The following SLAMF8 variants were observed in gnomAD, a reference collection of about 807,000 sequenced individuals.
SLAMF8 encodes SLAM family member 8.
In SLAMF8, 23 loss-of-function variants were observed where a neutral mutation model predicts 29.0. The observed-to-expected ratio is 0.79, with a 90% CI of 0.57 to 1.13. The LOEUF is 1.13. Ranked by LOEUF, SLAMF8 falls within the 50% of genes most tolerant of loss-of-function variation. The probability of loss-of-function intolerance (pLI) is 0.00; values close to 1 mark genes in which losing one functional copy is unlikely to be tolerated. For synonymous variants in SLAMF8, 139 were observed against 145.6 expected, an observed-to-expected ratio of 0.96 and a Z score of 0.32; for missense variants, 381 against 353.1, an observed-to-expected ratio of 1.08 and a Z score of -0.63.
At chr1:159,831,233 T>C (rs61823169) in intron 2 of SLAMF8, among the ~76,000 whole-genome samples, 14,399 of 152,050 alleles carry the variant, frequency 0.095, 937 homozygotes, top group Middle Eastern at 0.15. Context: ...GATTTAAGAA[T>C]GGAAAGCAGA....
chr1:159,829,770 G>T, intron 1 of SLAMF8, 96 bp from the exon 2 acceptor site: 3 of 1,340,514 alleles, frequency 2.2e-6, no homozygotes, highest in Admixed American at 4.6e-5. Flanking sequence ...AATGTCAGTG[G>T]AGGGGCCCCA....
chr1:159,832,270 TATTC>T (rs1452931725), intron 2 of SLAMF8, among the ~76,000 whole-genome samples: 1 of 152,228 alleles, frequency 6.6e-6, no homozygotes, highest in African/African-American at 2.4e-5. Context: ...TTTAATTAAT[TATTC>T]ATAATCATTT....
intron 4 of SLAMF8, 71 bp from the exon 5 acceptor site, chr1:159,835,113 C>T (rs1271525197): frequency 1.4e-6 from 2 of 1,480,918 alleles, no homozygotes; most frequent in Non-Finnish European, 9.3e-7. Flanking sequence ...ATTCAGAGGC[C>T]TGCAGGCAGG....
chr1:159,835,250 A>T lies in SLAMF8; in HGVS notation c.848A>T (p.Asp283Val). The change falls in exon 5 of 5, where the codon GAT (aspartate) becomes GTT (valine). Residue 283 changes from aspartate (D) to valine (V), a missense_variant. By Grantham distance (152) the Asp-to-Val change is radical. Transcript: ENST00000289707. Reference protein sequence around the residue: ...GPETENPLVQDLP With the variant: ...GPETENPLVQVLP The stretch of plus-strand genomic sequence containing the variant: ...GAGACAGAGAACCCCCTTGTGCAGG[A>T]TCTGCCATAAAGGACAATATGAACT... 6.2e-7 allele frequency: 1 copy of T among 1,613,926 alleles called. No homozygotes were observed. Among genetic ancestry groups the T allele is most frequent in the East Asian group, 2.2e-5 (1 of 44,878 alleles).
At chr1:159,833,800 A>G (rs563642982) in intron 4 of SLAMF8, among the ~76,000 whole-genome samples, 8 of 149,506 alleles carry the variant, frequency 5.4e-5, no homozygotes, top group African/African-American at 1.9e-4. Flanking sequence ...AACTACTTAC[A>G]TTTACTTCCC....
chr1:159,827,754 A>G (rs1345121324), intron 1 of SLAMF8, among the ~76,000 whole-genome samples: 1 of 152,122 alleles, frequency 6.6e-6, no homozygotes, highest in Non-Finnish European at 1.5e-5. Flanking sequence ...AGATTTCTTC[A>G]ATATTTCTAA....
chr1:159,829,921 G>A lies in SLAMF8; in HGVS notation c.96G>A (p.Ser32=), dbSNP rs147372646. 1.7e-4 allele frequency: 271 copies of A among 1,614,154 alleles called. No individual in the cohort carries two copies. The highest frequency in any genetic ancestry group is 5.0e-4 in the Admixed American group (30 of 60,022). The part of the protein sequence containing the change: ...GAQVLSKVGG[S]VLLVAARPPG... ...AAGTGCTGAGCAAAGTCGGGGGCTC[G>A]GTGCTGCTGGTGGCAGCGCGTCCCC... Residue 32 remains serine (S), a synonymous_variant, in exon 2 of 5, where the codon TCG becomes TCA. Coordinates refer to ENST00000289707, the MANE Select transcript of SLAMF8 (RefSeq NM_020125.3).
chr1:159,837,073 G>A lies in SLAMF8; in HGVS notation c.*1813G>A, dbSNP rs767714153. ...ACACAGCACTCCCCACCTTTCTTTC[G>A]TTCATCTCCAGGGCCCCACCTCAGA... is the stretch of plus-strand genomic sequence containing the variant. On this transcript the variant is annotated 3_prime_UTR_variant, in exon 5 of 5. Coordinates refer to ENST00000289707, the MANE Select transcript of SLAMF8 (RefSeq NM_020125.3). 34 of 985,234 alleles carry A rather than the reference G, an allele frequency of 3.5e-5. No homozygotes were observed. The highest frequency in any genetic ancestry group is 2.6e-4 in the African/African-American group (15 of 57,188). The allele number at this position is 985,234 out of a possible 1,614,324, so 61.0% of individuals were successfully genotyped here.
At chr1:159,831,214 G>C (rs893414898) in intron 2 of SLAMF8, among the ~76,000 whole-genome samples, 2 of 152,170 alleles carry the variant, frequency 1.3e-5, no homozygotes, top group Non-Finnish European at 2.9e-5. Flanking sequence ...TGGAAGAGAG[G>C]GGAGTCCAGA....
chr1:159,834,991 G>T (rs1432472775), intron 4 of SLAMF8, 193 bp from the exon 5 acceptor site: 1 of 576,246 alleles, frequency 1.7e-6, no homozygotes, highest in Admixed American at 3.3e-5. Flanking sequence ...GCAGGCCAAG[G>T]TTAGATACTA....
intron 1 of SLAMF8, among the ~76,000 whole-genome samples, 169 bp from the exon 2 acceptor site, chr1:159,829,697 G>A (rs150125313): frequency 8.5e-4 from 129 of 152,284 alleles, no homozygotes; most frequent in African/African-American, 2.2e-3. Flanking sequence ...AGAGACTGGG[G>A]TTATCTTCCA....
At chr1:159,834,971 T>C (rs1007921895) in intron 4 of SLAMF8, 10 of 534,052 alleles carry the variant, frequency 1.9e-5, no homozygotes, top group East Asian at 3.1e-5. Flanking sequence ...ATTAAATGTA[T>C]GGCATAGTTG....
chr1:159,829,928 C>T lies in SLAMF8; in HGVS notation c.103C>T (p.Leu35=). The change falls in exon 2 of 5, where the codon CTG becomes TTG. Residue 35 remains leucine (L), a synonymous_variant. Coordinates refer to ENST00000289707, the MANE Select transcript of SLAMF8 (RefSeq NM_020125.3). ...GAGCAAAGTCGGGGGCTCGGTGCTG[C>T]TGGTGGCAGCGCGTCCCCCTGGCTT... ...VLSKVGGSVL[L]VAARPPGFQV... 6.2e-7 allele frequency: 1 copy of T among 1,614,256 alleles called. No individual in the cohort carries two copies. The highest frequency in any genetic ancestry group is 8.5e-7 in the Non-Finnish European group (1 of 1,180,038).
chr1:159,835,610 G>T lies in SLAMF8; in HGVS notation c.*350G>T. 1 of 1,034,742 alleles carries T rather than the reference G, an allele frequency of 9.7e-7. No homozygotes were observed. Among genetic ancestry groups the T allele is most frequent in the Non-Finnish European group, 1.2e-6 (1 of 861,470 alleles). The allele number at this position is 1,034,742 out of a possible 1,614,324, so 64.1% of individuals were successfully genotyped here. ...TCCCTCCCCCACCACTATTCATAAA[G>T]TATTAACCAACTGGCACCAAGGAAT... is the stretch of plus-strand genomic sequence containing the variant. On this transcript the variant is annotated 3_prime_UTR_variant, in exon 5 of 5. Transcript: ENST00000289707.
intron 2 of SLAMF8, 96 bp downstream of exon 2, chr1:159,830,288 G>A (rs1403781426): frequency 7.6e-7 from 1 of 1,318,536 alleles, no homozygotes; most frequent in African/African-American, 1.5e-5. Context: ...CTGGGTTCCA[G>A]AAAGCTCTGG....
At chr1:159,828,720 G>A (rs945911931) in intron 1 of SLAMF8, among the ~76,000 whole-genome samples, 9 of 152,096 alleles carry the variant, frequency 5.9e-5, no homozygotes, top group African/African-American at 2.2e-4. Flanking sequence ...GTGGCCCCAG[G>A]CCACTGTGAG....
chr1:159,832,465 G>C (rs960095407), intron 2 of SLAMF8, among the ~76,000 whole-genome samples: 27 of 152,238 alleles, frequency 1.8e-4, no homozygotes, highest in African/African-American at 6.3e-4. Flanking sequence ...AGGCTTCACA[G>C]TCAAGGCATT....
chr1:159,828,216 C>T (rs1044760014), intron 1 of SLAMF8, among the ~76,000 whole-genome samples: 8 of 152,174 alleles, frequency 5.3e-5, no homozygotes, highest in Admixed American at 1.3e-4. Flanking sequence ...TTCAGTGGTA[C>T]TGAAGCCTGG....
chr1:159,829,994 G>C lies in SLAMF8; in HGVS notation c.169G>C (p.Glu57Gln). ...EAIWRSLWPSEELLATFFRGS... is the reference protein window; with the variant it reads ...EAIWRSLWPSQELLATFFRGS... ...TATCTGGCGATCTCTCTGGCCTTCAGAAGAGCTCCTGGCCACGTTTTTCCG... is the reference window on the plus strand; with the variant it reads ...TATCTGGCGATCTCTCTGGCCTTCACAAGAGCTCCTGGCCACGTTTTTCCG... Residue 57 changes from glutamate to glutamine, a missense_variant, in exon 2 of 5, where the codon GAA (glutamate) becomes CAA (glutamine). Transcript: ENST00000289707. 6.2e-7 allele frequency: 1 copy of C among 1,614,214 alleles called. No individual in the cohort carries two copies. The highest frequency in any genetic ancestry group is 8.5e-7 in the Non-Finnish European group (1 of 1,180,034).
Sources: gnomAD v4.1 joint callset for allele counts (sites outside exome capture counted in the v4.1 genomes callset) on GRCh38, gnomAD v4.1.1 for gene constraint, MANE v1.5 for transcripts, NCBI Gene and HGNC (gene_info 2026-07-23, HGNC 2026-07-21) for gene names.